RUNX1: variants seen among roughly 807,000 people sequenced by gnomAD.
RUNX1 encodes runt-related transcription factor 1.
RUNX1 carries 19 observed loss-of-function variants against 42.8 expected under a neutral mutation model. The observed-to-expected ratio is 0.44, with a 90% CI of 0.31 to 0.65. The LOEUF (loss-of-function observed/expected upper bound fraction) is 0.65. Ranked by LOEUF, RUNX1 falls within the 30% of genes least tolerant of loss-of-function variation. RUNX1 has a pLI of 0.07. For synonymous variants in RUNX1, 271 were observed against 289.4 expected, an observed-to-expected ratio of 0.94 and a Z score of 0.64; for missense variants, 528 against 672.0, an observed-to-expected ratio of 0.79 and a Z score of 2.37.
intron 2 of RUNX1, among the ~76,000 whole-genome samples, chr21:34,970,248 G>T (rs78845091): frequency 6.6e-6 from 1 of 152,220 alleles, no homozygotes; most frequent in Non-Finnish European, 1.5e-5. Flanking sequence ...AAGGCTGGGG[G>T]TATGTCAGGA....
intron 2 of RUNX1, among the ~76,000 whole-genome samples, chr21:35,003,121 C>A (rs1461349317): frequency 6.6e-6 from 1 of 152,228 alleles, no homozygotes; most frequent in Non-Finnish European, 1.5e-5. Context: ...ACATCATCAA[C>A]TCTCCTTCCA....
At chr21:35,031,953 C>A (rs1328334157) in intron 2 of RUNX1, among the ~76,000 whole-genome samples, 2 of 152,122 alleles carry the variant, frequency 1.3e-5, no homozygotes, top group Non-Finnish European at 2.9e-5. Flanking sequence ...AAGAATGAAC[C>A]TCAACACAGA....
chr21:34,999,102 G>C (rs1056600339), intron 2 of RUNX1, among the ~76,000 whole-genome samples: 1 of 152,210 alleles, frequency 6.6e-6, no homozygotes, highest in Non-Finnish European at 1.5e-5. Flanking sequence ...CAGGCCTTTG[G>C]GTGAGCAGGG....
chr21:34,879,441 C>T (rs1237664890), intron 5 of RUNX1, among the ~76,000 whole-genome samples: 2 of 152,160 alleles, frequency 1.3e-5, no homozygotes, highest in South Asian at 4.1e-4. Flanking sequence ...AATCAACTCA[C>T]ATTTACCCCT....
intron 2 of RUNX1, among the ~76,000 whole-genome samples, chr21:35,007,597 A>G (rs1335402797): frequency 6.6e-6 from 1 of 152,124 alleles, no homozygotes; most frequent in East Asian, 1.9e-4. Flanking sequence ...CCAGGATAGC[A>G]GCCCTTTTGG....
intron 3 of RUNX1, among the ~76,000 whole-genome samples, chr21:34,891,707 TA>T (rs200304107): frequency 0.19 from 27,787 of 147,514 alleles, 4,097 homozygotes; most frequent in African/African-American, 0.41. Flanking sequence ...AATGCAAAAT[TA>T]AAAAAAAAAA....
At chr21:34,957,651 T>C (rs1157236316) in intron 2 of RUNX1, among the ~76,000 whole-genome samples, 2 of 152,198 alleles carry the variant, frequency 1.3e-5, no homozygotes, top group Non-Finnish European at 2.9e-5. Context: ...CAGATATTCG[T>C]ACATTCTAGA....
At chr21:34,954,162 G>T (rs2058628385) in intron 2 of RUNX1, among the ~76,000 whole-genome samples, 1 of 152,144 alleles carries the variant, frequency 6.6e-6, no homozygotes, top group Admixed American at 6.5e-5. Flanking sequence ...TCACTTCAGT[G>T]GTGATATCTT....
intron 2 of RUNX1, among the ~76,000 whole-genome samples, chr21:34,942,003 A>G (rs1185246375): frequency 6.6e-6 from 1 of 152,190 alleles, no homozygotes; most frequent in African/African-American, 2.4e-5. Context: ...AAGGAAAACT[A>G]GGAAACAATG....
At chr21:34,840,353 G>A (rs977920767) in intron 6 of RUNX1, among the ~76,000 whole-genome samples, 52 of 152,192 alleles carry the variant, frequency 3.4e-4, no homozygotes, top group Non-Finnish European at 5.3e-4. Flanking sequence ...TAGAGTAGGC[G>A]TTAAGAATTC....
chr21:34,923,351 T>C (rs1238276706), intron 2 of RUNX1, among the ~76,000 whole-genome samples: 1 of 152,238 alleles, frequency 6.6e-6, no homozygotes, highest in African/African-American at 2.4e-5. Context: ...TTTTCATTTC[T>C]TTCCAGTTCA....
At chr21:34,980,473 G>T (rs1187290484) in intron 2 of RUNX1, among the ~76,000 whole-genome samples, 1 of 152,168 alleles carries the variant, frequency 6.6e-6, no homozygotes, top group African/African-American at 2.4e-5. Flanking sequence ...CCCATGTTTG[G>T]CTTCACACTT....
intron 5 of RUNX1, among the ~76,000 whole-genome samples, chr21:34,870,934 G>T (rs998783127): frequency 6.6e-6 from 1 of 152,062 alleles, no homozygotes; most frequent in East Asian, 1.9e-4. Context: ...TTCCAGCCTG[G>T]TGACAGGGCG....
chr21:35,008,438 A>G (rs991516845), intron 2 of RUNX1, among the ~76,000 whole-genome samples: 2 of 152,340 alleles, frequency 1.3e-5, no homozygotes, highest in African/African-American at 4.8e-5. Context: ...TGAGGCAAAG[A>G]CAAGGGTCAA....
intron 5 of RUNX1, among the ~76,000 whole-genome samples, chr21:34,862,600 C>T (rs985140719): frequency 2.6e-5 from 4 of 152,198 alleles, no homozygotes; most frequent in African/African-American, 9.6e-5. Context: ...CGTTTCCTGA[C>T]TTGCAGCTGC....
intron 2 of RUNX1, among the ~76,000 whole-genome samples, chr21:34,940,809 G>A (rs2058521194): frequency 6.6e-6 from 1 of 152,168 alleles, no homozygotes; most frequent in African/African-American, 2.4e-5. Flanking sequence ...GGAATAGCAG[G>A]CATCTCCTCC....
chr21:34,821,489 C>T (rs1384009802), intron 7 of RUNX1: 9 of 1,452,350 alleles, frequency 6.2e-6, no homozygotes, highest in Middle Eastern at 2.5e-4. Context: ...ATTATTGTTA[C>T]GACGGTTTGC....
intron 2 of RUNX1, among the ~76,000 whole-genome samples, chr21:35,019,543 T>A (rs1446317331): frequency 6.6e-6 from 1 of 152,042 alleles, no homozygotes; most frequent in Admixed American, 6.5e-5. Flanking sequence ...GCTGAAAAAA[T>A]TAAAATAATT....
At chr21:34,904,480 GA>G (rs1422992255) in intron 2 of RUNX1, among the ~76,000 whole-genome samples, 1 of 152,056 alleles carries the variant, frequency 6.6e-6, no homozygotes, top group South Asian at 2.1e-4. Context: ...AGGTTGTTTT[GA>G]AAACAGCCAG....
Sources: gnomAD v4.1 joint callset for allele counts (sites outside exome capture counted in the v4.1 genomes callset) on GRCh38, gnomAD v4.1.1 for gene constraint, MANE v1.5 for transcripts, NCBI Gene and HGNC (gene_info 2026-07-23, HGNC 2026-07-21) for gene names.